PPP1R12A: variants seen among roughly 807,000 people sequenced by gnomAD.
The protein encoded by PPP1R12A is myosin binding subunit.
In PPP1R12A, 19 loss-of-function variants were observed where a neutral mutation model predicts 139.6. That is an observed-to-expected ratio of 0.14 (90% CI 0.09 to 0.20). PPP1R12A has a LOEUF of 0.20. Among genes scored for constraint, PPP1R12A ranks in the 10% least tolerant of loss-of-function variants. PPP1R12A has a pLI of 1.00. For missense variants in PPP1R12A, 925 were observed against 1,211.5 expected (o/e 0.76, Z 3.51); for synonymous variants, 427 against 420.6 (o/e 1.02, Z -0.19).
intron 2 of PPP1R12A, among the ~76,000 whole-genome samples, chr12:79,851,726 C>G (rs189538659): frequency 6.6e-6 from 1 of 152,300 alleles, no homozygotes; most frequent in Non-Finnish European, 1.5e-5. Context: ...CTTTTCCAGC[C>G]ATGCCCTCTT....
chr12:79,861,006 T>C (rs1237534977), intron 2 of PPP1R12A, among the ~76,000 whole-genome samples: 6 of 152,014 alleles, frequency 3.9e-5, no homozygotes, highest in Non-Finnish European at 5.9e-5. Flanking sequence ...TTAGAAGAAG[T>C]TAAAGAAAAA....
rs761047669 is a variant in PPP1R12A, at chr12:79,774,532, A to G, written c.*1397T>C. ...GGTTAAGGAGACAGTTATGTGCCAG[A>G]AAGATGTAGTATTTTTTGCATGGTT... On this transcript the variant is annotated 3_prime_UTR_variant, in exon 25 of 25. Coordinates refer to ENST00000450142, the MANE Select transcript of PPP1R12A (RefSeq NM_002480.3). 1.3e-5 allele frequency: 2 copies of G among 152,570 alleles called. No homozygotes were observed. The highest frequency in any genetic ancestry group is 4.8e-5 in the African/African-American group (2 of 41,450). 9.5% of individuals were successfully genotyped at this position (152,570 alleles called of 1,614,324 possible).
chr12:79,852,866 C>T (rs1033473709), intron 2 of PPP1R12A, among the ~76,000 whole-genome samples: 4 of 152,186 alleles, frequency 2.6e-5, no homozygotes, highest in African/African-American at 4.8e-5. Context: ...GTGGTGAAAG[C>T]ATTCATTCTC....
intron 3 of PPP1R12A, among the ~76,000 whole-genome samples, chr12:79,833,595 T>C (rs1379719682): frequency 6.7e-6 from 1 of 150,232 alleles, no homozygotes; most frequent in Non-Finnish European, 1.5e-5. Flanking sequence ...GAGGGTGAGA[T>C]GGGCAGATCA....
At chr12:79,792,714 G>A (rs1872041001) in intron 19 of PPP1R12A, among the ~76,000 whole-genome samples, 1 of 152,062 alleles carries the variant, frequency 6.6e-6, no homozygotes, top group Non-Finnish European at 1.5e-5. Flanking sequence ...AGCCTGGTGG[G>A]GGCTGGAGTC....
chr12:79,851,339 T>C (rs1414492837), intron 2 of PPP1R12A, among the ~76,000 whole-genome samples: 1 of 152,236 alleles, frequency 6.6e-6, no homozygotes, highest in African/African-American at 2.4e-5. Context: ...TCCCATTTTC[T>C]TTTGAAAGTT....
intron 9 of PPP1R12A, among the ~76,000 whole-genome samples, chr12:79,811,312 G>A (rs1328748645): frequency 6.6e-6 from 1 of 152,166 alleles, no homozygotes; most frequent in Non-Finnish European, 1.5e-5. Context: ...GCTATCAATA[G>A]TGTCTAAGCA....
chr12:79,875,966 G>T (rs7980393), intron 1 of PPP1R12A, among the ~76,000 whole-genome samples: 1 of 152,154 alleles, frequency 6.6e-6, no homozygotes, highest in African/African-American at 2.4e-5. Context: ...ATGTCAGACT[G>T]TAACTCTTGG....
At chr12:79,839,064 G>T (rs141207212) in intron 3 of PPP1R12A, among the ~76,000 whole-genome samples, 5 of 152,158 alleles carry the variant, frequency 3.3e-5, no homozygotes, top group Non-Finnish European at 5.9e-5. Context: ...AGCTACAGAG[G>T]CAGAGCTGTC....
chr12:79,777,327 A>G, intron 24 of PPP1R12A: 1 of 981,386 alleles, frequency 1.0e-6, no homozygotes, highest in Non-Finnish European at 1.2e-6. Context: ...CCCTAATTTT[A>G]ATGTAGCTCA....
Position 79,923,223 on chromosome 12 carries a change from G to A in PPP1R12A, c.237+11472C>T, listed in dbSNP as rs577565695. ...CAGGAGACGGTAGTTGCAGTCAGCC[G>A]AGATCACGCCCCTGCACTCCAGCCT... On this transcript the variant is annotated intron_variant, in intron 1 of 24. Transcript: ENST00000450142. 3.6e-3 allele frequency among the ~76,000 whole-genome samples: 550 copies of A among 152,258 alleles called. 11 individuals carry two copies. The South Asian group carries it at 0.04, about 11-fold the overall frequency.
At chr12:79,828,665 T>C (rs942726864) in intron 4 of PPP1R12A, among the ~76,000 whole-genome samples, 1 of 152,158 alleles carries the variant, frequency 6.6e-6, no homozygotes, top group African/African-American at 2.4e-5. Flanking sequence ...TCTTGAGTCA[T>C]TGCCATAATA....
intron 9 of PPP1R12A, among the ~76,000 whole-genome samples, chr12:79,810,984 G>T (rs984398961): frequency 1.3e-5 from 2 of 151,492 alleles, no homozygotes; most frequent in Admixed American, 6.6e-5. Flanking sequence ...AAATATTTAT[G>T]CTATTTTAAG....
intron 2 of PPP1R12A, among the ~76,000 whole-genome samples, chr12:79,867,747 T>C (rs1299814993): frequency 6.6e-6 from 1 of 152,192 alleles, no homozygotes; most frequent in Non-Finnish European, 1.5e-5. Context: ...AGGGAGGTAA[T>C]TGAATCCTGG....
chr12:79,820,707 G>A lies in PPP1R12A; in HGVS notation c.1114+67C>T, dbSNP rs566415548. On this transcript the variant is annotated intron_variant, in intron 8 of 24. Coordinates refer to ENST00000450142, the MANE Select transcript of PPP1R12A (RefSeq NM_002480.3). ...TCAGTCTGAAAAATTTAAAAATTACGTCTCATCTTGTCTTATTTTACACTG... is the reference window on the plus strand; with the variant it reads ...TCAGTCTGAAAAATTTAAAAATTACATCTCATCTTGTCTTATTTTACACTG... 49 of 1,532,126 alleles carry A rather than the reference G, an allele frequency of 3.2e-5. No individual in the cohort carries two copies. The East Asian group carries it at 7.7e-4, about 24-fold the overall frequency. 94.9% of individuals were successfully genotyped at this position (1,532,126 alleles called of 1,614,324 possible).
At chr12:79,840,071 A>C (rs1878536647) in intron 3 of PPP1R12A, among the ~76,000 whole-genome samples, 1 of 152,212 alleles carries the variant, frequency 6.6e-6, no homozygotes, top group Admixed American at 6.5e-5. Flanking sequence ...AAAATGCAGT[A>C]TGGTACAGTG....
intron 5 of PPP1R12A, among the ~76,000 whole-genome samples, chr12:79,826,771 T>C (rs959634873): frequency 1.2e-4 from 18 of 152,236 alleles, no homozygotes; most frequent in Admixed American, 7.9e-4. Flanking sequence ...ACTAGAATAC[T>C]GATTCAGTAG....
At chr12:79,834,997 T>C (rs1877896246) in intron 3 of PPP1R12A, among the ~76,000 whole-genome samples, 1 of 152,164 alleles carries the variant, frequency 6.6e-6, no homozygotes. Flanking sequence ...TTGAGGGTGT[T>C]TCCAGAGGAA....
In PPP1R12A at chr12:79,775,559, A is replaced by G. The variant is rs1869628158; in HGVS notation, c.*370T>C. 6.4e-6 allele frequency: 1 copy of G among 155,928 alleles called. No homozygotes were observed. The highest frequency in any genetic ancestry group is 1.8e-4 in the East Asian group (1 of 5,406). 9.7% of individuals were successfully genotyped at this position (155,928 alleles called of 1,614,324 possible). A position where few individuals can be genotyped will look rare whatever the true frequency, so the allele number is the denominator to read the frequency against. Reference sequence around the variant, plus strand: ...GAGAGCTGAAAGTTTTTGTTGACACAAAAGTATTTATGTACAACTAAGGCT... The same window carrying G: ...GAGAGCTGAAAGTTTTTGTTGACACGAAAGTATTTATGTACAACTAAGGCT... On this transcript the variant is annotated 3_prime_UTR_variant, in exon 25 of 25. Transcript: ENST00000450142.
Sources: gnomAD v4.1 joint callset for allele counts (sites outside exome capture counted in the v4.1 genomes callset) on GRCh38, gnomAD v4.1.1 for gene constraint, MANE v1.5 for transcripts, NCBI Gene and HGNC (gene_info 2026-07-23, HGNC 2026-07-21) for gene names.